The following DYNC2I1 variants were observed in gnomAD, a reference collection of about 807,000 sequenced individuals.
DYNC2I1 encodes the protein dynein 2 intermediate chain 1, also known as cytoplasmic dynein 2 intermediate chain 1.
A neutral mutation model predicts 133.4 loss-of-function variants in DYNC2I1; 89 were observed. That is an observed-to-expected ratio of 0.67 (90% CI 0.56 to 0.80). The LOEUF is 0.80. Among genes scored for constraint, DYNC2I1 ranks in the 30% least tolerant of loss-of-function variants. DYNC2I1 has a pLI of 0.00. For synonymous variants in DYNC2I1, 504 were observed against 484.3 expected (o/e 1.04, Z -0.54); for missense variants, 1,291 against 1,314.5 (o/e 0.98, Z 0.28).
intron 8 of DYNC2I1, among the ~76,000 whole-genome samples, chr7:158,895,370 C>G (rs1457817472): frequency 6.6e-6 from 1 of 152,156 alleles, no homozygotes; most frequent in Non-Finnish European, 1.5e-5. Context: ...TTATTTGTTC[C>G]AGCACCATTT....
chr7:158,918,862 C>A lies in DYNC2I1; in HGVS notation c.1914C>A (p.Phe638Leu). ...SSSQLNTSLPFLQNRKVSSLH... is the reference protein window; with the variant it reads ...SSSQLNTSLPLLQNRKVSSLH... ...CTCAGCTGAACACCAGTCTACCATT[C>A]CTTCAAAGTAAGAGGCTGTTCTCAA... Residue 638 changes from phenylalanine (F) to leucine (L), a missense_variant, in exon 15 of 25, where the codon TTC becomes TTA. Phe to Leu is a conservative substitution (Grantham distance 22, BLOSUM62 0). Transcript: ENST00000407559. 1.2e-6 allele frequency: 2 copies of A among 1,612,390 alleles called. No homozygotes were observed. Among genetic ancestry groups the A allele is most frequent in the Non-Finnish European group, 1.7e-6 (2 of 1,178,910 alleles).
intron 11 of DYNC2I1, among the ~76,000 whole-genome samples, chr7:158,910,413 CG>C (rs1563151115): frequency 1.2e-5 from 1 of 82,372 alleles, no homozygotes; most frequent in African/African-American, 6.5e-5. Context: ...CCTGTGGGAG[CG>C]CGATTGGCTG....
chr7:158,888,777 A>G (rs996734769), intron 7 of DYNC2I1, among the ~76,000 whole-genome samples: 2 of 152,088 alleles, frequency 1.3e-5, no homozygotes, highest in African/African-American at 2.4e-5. Context: ...GCCTTTGTGC[A>G]GTATTTTTAT....
chr7:158,941,858 CAG>C, intron 23 of DYNC2I1, 65 bp from the exon 24 acceptor site: 7 of 1,525,182 alleles, frequency 4.6e-6, no homozygotes, highest in Admixed American at 3.9e-5. Flanking sequence ...GGCTGGGTGA[CAG>C]AGTGAGACCC....
rs969008784 is a variant in DYNC2I1 at position 158,884,498 on chromosome 7, C to T, written c.880-66C>T. 1.8e-5 allele frequency: 26 copies of T among 1,478,018 alleles called. No individual in the cohort carries two copies. In the African/African-American group the frequency reaches 3.4e-4, roughly 19 times the overall value. 91.6% of individuals were successfully genotyped at this position (1,478,018 alleles called of 1,614,324 possible). A position where few individuals can be genotyped will look rare whatever the true frequency, so the allele number is the denominator to read the frequency against. On this transcript the variant is annotated intron_variant, in intron 5 of 24. Coordinates refer to ENST00000407559, the MANE Select transcript of DYNC2I1 (RefSeq NM_018051.5). ...ATCTGTGCTTGTTTTGTGGGGTTTA[C>T]TAATTATGCTTACTTCATTCCGATA...
chr7:158,945,529 C>G lies in DYNC2I1; in HGVS notation c.3003-52C>G. On this transcript the variant is annotated intron_variant, in intron 24 of 24. Transcript: ENST00000407559. This position sits in a 1 kb window ranked among gnomAD's most constrained non-coding sequence, Gnocchi z 4.1. Reference sequence around the variant, plus strand: ...GACATTTTGAAGACTCAGACAGAACCGAATGTCCCTTTGTGTGCACTGACC... The same window carrying G: ...GACATTTTGAAGACTCAGACAGAACGGAATGTCCCTTTGTGTGCACTGACC... 1 of 1,531,174 alleles carries G rather than the reference C, an allele frequency of 6.5e-7. No homozygotes were observed. Among genetic ancestry groups the G allele is most frequent in the Non-Finnish European group, 8.8e-7 (1 of 1,135,380 alleles). The allele number at this position is 1,531,174 out of a possible 1,614,324, so 94.8% of individuals were successfully genotyped here. A position where few individuals can be genotyped will look rare whatever the true frequency, so the allele number is the denominator to read the frequency against.
chr7:158,916,212 G>C lies in DYNC2I1; in HGVS notation c.1791+1891G>C, dbSNP rs1352816687. ...TTGACATTAAGGATGATTGTGAAAC[G>C]TCTACACGCTGGTTGACATTAAGGA... is the stretch of plus-strand genomic sequence containing the variant. On this transcript the variant is annotated intron_variant, in intron 14 of 24. Coordinates refer to ENST00000407559, the MANE Select transcript of DYNC2I1 (RefSeq NM_018051.5). 6.1e-5 allele frequency among the ~76,000 whole-genome samples: 4 copies of C among 66,048 alleles called. No homozygotes were observed. In the East Asian group the frequency reaches 9.8e-4, roughly 16 times the overall value. 43.3% of individuals were successfully genotyped at this position (66,048 alleles called of 152,430 possible).
At chr7:158,845,228 A>AT in the DYNC2I1 span, among the ~76,000 whole-genome samples, 68 of 151,634 alleles carry the variant, frequency 4.5e-4, no homozygotes, top group Admixed American at 2.4e-3. Context: ...AAGCTATAGG[A>AT]TTTTTTTTTG....
chr7:158,908,810 G>A (rs553924368), intron 11 of DYNC2I1, among the ~76,000 whole-genome samples: 2 of 152,288 alleles, frequency 1.3e-5, no homozygotes, highest in East Asian at 3.9e-4. Context: ...ACCTGTCGGT[G>A]GCTCAAGGTA....
At chr7:158,842,099 G>A in the DYNC2I1 span, among the ~76,000 whole-genome samples, 108 of 152,328 alleles carry the variant, frequency 7.1e-4, no homozygotes, top group East Asian at 0.018. Context: ...CACCATCCCA[G>A]CTCACTGCAA....
At chr7:158,943,871 G>C (rs6966362) in intron 24 of DYNC2I1, among the ~76,000 whole-genome samples, 2 of 152,092 alleles carry the variant, frequency 1.3e-5, no homozygotes, top group African/African-American at 4.8e-5. Flanking sequence ...GCCGGACGCC[G>C]GGTCAACCCT....
At chr7:158,909,785 T>C (rs1847204712) in intron 11 of DYNC2I1, among the ~76,000 whole-genome samples, 1 of 152,194 alleles carries the variant, frequency 6.6e-6, no homozygotes, top group Admixed American at 6.5e-5. Context: ...CAGAAAGATC[T>C]GATGGCCTAG....
chr7:158,868,211 G>A (rs1257231927), intron 1 of DYNC2I1, among the ~76,000 whole-genome samples: 1 of 152,194 alleles, frequency 6.6e-6, no homozygotes, highest in African/African-American at 2.4e-5. Flanking sequence ...TAAGACCACG[G>A]CACCTTGTTA....
chr7:158,893,708 T>A (rs1370078298), intron 8 of DYNC2I1, among the ~76,000 whole-genome samples: 1 of 152,116 alleles, frequency 6.6e-6, no homozygotes, highest in Non-Finnish European at 1.5e-5. Context: ...CTGCATATCG[T>A]ACCACATATC....
chr7:158,844,762 C>A, the DYNC2I1 span, among the ~76,000 whole-genome samples: 3 of 152,248 alleles, frequency 2.0e-5, no homozygotes, highest in Middle Eastern at 6.8e-3. Context: ...GCTGGGATTA[C>A]AGGCATGCAC....
Position 158,887,067 on chromosome 7 carries a change from A to C in DYNC2I1, c.982A>C (p.Arg328=). ...VRNHGKDKDS[R]RKHGHEEGSS... is the part of the protein sequence containing the mutation. ...GAATCATGGAAAAGATAAAGATTCA[A>C]GACGGAAGGTAAGGCAGTCTCCACT... Residue 328 remains arginine, a synonymous_variant, in exon 7 of 25, where the codon AGA becomes CGA. Transcript: ENST00000407559. The C allele has an allele frequency of 6.2e-7, 1 of 1,613,860 alleles. No homozygotes were observed. Among genetic ancestry groups the C allele is most frequent in the Non-Finnish European group, 8.5e-7 (1 of 1,179,760 alleles).
chr7:158,946,529 C>A (rs141749758), downstream of DYNC2I1, among the ~76,000 whole-genome samples: 15 of 152,362 alleles, frequency 9.8e-5, no homozygotes, highest in African/African-American at 3.4e-4. Flanking sequence ...GCTGTGCCCT[C>A]GCACAGTAGC....
chr7:158,943,694 AGCATGTTTGTT>A (rs68190916), intron 24 of DYNC2I1, among the ~76,000 whole-genome samples: 26,266 of 151,874 alleles, frequency 0.17, 2,527 homozygotes, highest in African/African-American at 0.24. Flanking sequence ...CATAGTGGAG[AGCATGTTTGTT>A]GTCATTAGCA....
chr7:158,915,575 C>T lies in DYNC2I1; in HGVS notation c.1791+1254C>T, dbSNP rs796638368. On this transcript the variant is annotated intron_variant, in intron 14 of 24. Coordinates refer to ENST00000407559, the MANE Select transcript of DYNC2I1 (RefSeq NM_018051.5). ...GAGATTAAGGATGATTGTGAAACCT[C>T]GACACGCTGGTTGAGATTAAGGATG... Among the ~76,000 whole-genome samples, 748 of 101,848 alleles carry T rather than the reference C, an allele frequency of 7.3e-3. 8 individuals are homozygous for T. The highest frequency in any genetic ancestry group is 0.014 in the African/African-American group (355 of 26,014). The allele number at this position is 101,848 out of a possible 152,430, so 66.8% of individuals were successfully genotyped here. A position where few individuals can be genotyped will look rare whatever the true frequency, so the allele number is the denominator to read the frequency against.
Sources: allele counts gnomAD v4.1 joint callset (sites outside exome capture counted in the v4.1 genomes callset), GRCh38; gene constraint gnomAD v4.1.1; non-coding constraint Gnocchi (gnomAD v3.1); transcripts MANE v1.5; gene names NCBI Gene and HGNC (gene_info 2026-07-23, HGNC 2026-07-21).